The following SAMD4A variants were observed in gnomAD, a reference collection of about 807,000 sequenced individuals.
SAMD4A encodes protein Smaug homolog 1.
A neutral mutation model predicts 81.3 loss-of-function variants in SAMD4A; 33 were observed. The ratio of observed to expected loss-of-function variants is 0.41; its 90% confidence interval spans 0.31 to 0.54. The LOEUF is 0.54. Among genes scored for constraint, SAMD4A ranks in the 20% least tolerant of loss-of-function variants. The pLI, the probability that SAMD4A is intolerant of heterozygous loss-of-function variation, is 0.37. For synonymous variants in SAMD4A, 389 were observed against 382.1 expected (o/e 1.02, Z -0.21); for missense variants, 854 against 951.1 (o/e 0.90, Z 1.34).
chr14:54,594,579 G>A (rs950397318), intron 2 of SAMD4A, among the ~76,000 whole-genome samples: 1 of 152,216 alleles, frequency 6.6e-6, no homozygotes, highest in African/African-American at 2.4e-5. Flanking sequence ...GGAAATTGTA[G>A]TGGAAGGGAA....
chr14:54,573,699 G>A (rs1594679362), intron 2 of SAMD4A, among the ~76,000 whole-genome samples: 1 of 152,234 alleles, frequency 6.6e-6, no homozygotes, highest in East Asian at 1.9e-4. Flanking sequence ...AATTCACATA[G>A]ATTAAGATGC....
intron 2 of SAMD4A, among the ~76,000 whole-genome samples, chr14:54,626,731 G>A (rs924621414): frequency 1.3e-5 from 2 of 152,146 alleles, no homozygotes; most frequent in Non-Finnish European, 2.9e-5. Flanking sequence ...CAGGAGAACA[G>A]CAATTCTCTG....
rs1280827814 is a variant in SAMD4A at position 54,788,779 on chromosome 14, G to A, written c.2129-137G>A. 3.3e-5 allele frequency: 33 copies of A among 1,000,984 alleles called. No homozygotes were observed. In the Admixed American group the frequency reaches 5.4e-4, roughly 16 times the overall value. 62.0% of individuals were successfully genotyped at this position (1,000,984 alleles called of 1,614,324 possible). ...ATATCATGTGGGTGGGTATGTAAAT[G>A]CGTGAACACATGAACGTAGGTGCCC... On this transcript the variant is annotated intron_variant, in intron 12 of 12. Transcript: ENST00000554335.
Position 54,708,142 on chromosome 14 carries a change from C to A in SAMD4A, c.715+5562C>A, listed in dbSNP as rs536964723. On this transcript the variant is annotated intron_variant, in intron 3 of 12. Transcript: ENST00000554335. The stretch of plus-strand genomic sequence containing the variant: ...ATCAGGCAAGAGAAGATGGCTCAAA[C>A]CAGGATGGCTACAGTAGAAGGGTGA... Among the ~76,000 whole-genome samples, 20 of 152,262 alleles carry A rather than the reference C, an allele frequency of 1.3e-4. No homozygotes were observed. The South Asian group carries it at 4.2e-3, about 32-fold the overall frequency.
Position 54,757,428 on chromosome 14 carries a change from T to TGC in SAMD4A, c.1177-2733_1177-2732insGC, listed in dbSNP as rs1555351334. On this transcript the variant is annotated intron_variant, in intron 6 of 12. Transcript: ENST00000554335. ...GTGTGTGTGTGTGTGTGTGTGTGTG[T>TGC]TTTGTTTTGTTTTGTTTGGTGTGGT... 2.2e-5 allele frequency among the ~76,000 whole-genome samples: 3 copies of TGC among 133,822 alleles called. No homozygotes were observed. The Admixed American group carries it at 2.4e-4, about 11-fold the overall frequency. The allele number at this position is 133,822 out of a possible 152,430, so 87.8% of individuals were successfully genotyped here. A position where few individuals can be genotyped will look rare whatever the true frequency, so the allele number is the denominator to read the frequency against.
chr14:54,756,380 T>G (rs1402401758), intron 6 of SAMD4A, among the ~76,000 whole-genome samples: 1 of 152,198 alleles, frequency 6.6e-6, no homozygotes, highest in Non-Finnish European at 1.5e-5. Flanking sequence ...CGTCCTGTCA[T>G]CCTTTGTTCC....
At chr14:54,699,421 C>G (rs1192031690) in intron 2 of SAMD4A, among the ~76,000 whole-genome samples, 1 of 152,100 alleles carries the variant, frequency 6.6e-6, no homozygotes, top group Non-Finnish European at 1.5e-5. Context: ...GCCAGCCTTC[C>G]CCATCTGAAT....
chr14:54,638,187 C>G (rs911823172), intron 2 of SAMD4A, among the ~76,000 whole-genome samples: 1 of 152,204 alleles, frequency 6.6e-6, no homozygotes, highest in East Asian at 1.9e-4. Flanking sequence ...GCAAGTCACA[C>G]AGTAGATGCC....
At chr14:54,712,451 T>C (rs1443865306) in intron 3 of SAMD4A, among the ~76,000 whole-genome samples, 1 of 152,234 alleles carries the variant, frequency 6.6e-6, no homozygotes. Flanking sequence ...TTTAGCTTCC[T>C]TCCCCTTTGG....
intron 2 of SAMD4A, among the ~76,000 whole-genome samples, chr14:54,683,819 G>A (rs1455461199): frequency 6.6e-6 from 1 of 152,176 alleles, no homozygotes; most frequent in Non-Finnish European, 1.5e-5. Context: ...ATCCAGGTGG[G>A]CACAGTCTTA....
At chr14:54,765,831 A>G (rs1252512930) in intron 8 of SAMD4A, among the ~76,000 whole-genome samples, 2 of 151,228 alleles carry the variant, frequency 1.3e-5, no homozygotes, top group Non-Finnish European at 2.9e-5. Context: ...CTCACCCACT[A>G]CCCACACTTC....
rs2037796043 is a variant in SAMD4A, at chr14:54,739,615, A to G, written c.979+2328A>G. Among the ~76,000 whole-genome samples the G allele has an allele frequency of 2.0e-5, 3 of 152,198 alleles. No individual in the cohort carries two copies. The South Asian group carries it at 6.2e-4, about 31-fold the overall frequency. On this transcript the variant is annotated intron_variant, in intron 4 of 12. Coordinates refer to ENST00000554335, the MANE Select transcript of SAMD4A (RefSeq NM_015589.6). ...ATTTGCAGTTTAGCTGACAGGTCAG[A>G]CAGAAAAAATGTCCACACCCAAAAA...
chr14:54,615,165 C>T lies in SAMD4A; in HGVS notation c.196+47053C>T, dbSNP rs150369473. Among the ~76,000 whole-genome samples the T allele has an allele frequency of 7.7e-4, 118 of 152,280 alleles. 1 individual carries two copies. Among genetic ancestry groups the T allele is most frequent in the African/African-American group, 2.6e-3 (110 of 41,558 alleles). Reference sequence around the variant, plus strand: ...GGTCATCTGTCAATGAAGACTGACCCACCTGGAGAGGTGGGATGCAGCTTT... The same window carrying T: ...GGTCATCTGTCAATGAAGACTGACCTACCTGGAGAGGTGGGATGCAGCTTT... On this transcript the variant is annotated intron_variant, in intron 2 of 12. Transcript: ENST00000554335.
At chr14:54,644,287 A>G (rs1199597519) in intron 2 of SAMD4A, among the ~76,000 whole-genome samples, 1 of 152,178 alleles carries the variant, frequency 6.6e-6, no homozygotes, top group Non-Finnish European at 1.5e-5. Flanking sequence ...GGCACTTCTA[A>G]TCAAATTTGG....
intron 10 of SAMD4A, among the ~76,000 whole-genome samples, chr14:54,775,727 G>A (rs1267023384): frequency 2.0e-5 from 3 of 152,132 alleles, no homozygotes; most frequent in Non-Finnish European, 4.4e-5. Context: ...AGCTCTGTGG[G>A]TAGGGATTAG....
chr14:54,765,947 T>C (rs2038528738), intron 8 of SAMD4A, among the ~76,000 whole-genome samples: 2 of 152,156 alleles, frequency 1.3e-5, no homozygotes, highest in Non-Finnish European at 2.9e-5. Context: ...TATGGATTCT[T>C]ATGTGCCCAA....
chr14:54,701,996 T>C (rs1272041673), intron 2 of SAMD4A, 66 bp from the exon 3 acceptor site: 2 of 1,517,944 alleles, frequency 1.3e-6, no homozygotes, highest in Admixed American at 1.8e-5. Context: ...AAATTCTCTT[T>C]AGAGTATCTG....
chr14:54,695,527 G>A (rs117235626), intron 2 of SAMD4A, among the ~76,000 whole-genome samples: 2,700 of 152,272 alleles, frequency 0.018, 39 homozygotes, highest in South Asian at 0.061. Flanking sequence ...AGGTCAGAAC[G>A]CCTCCACTGC....
chr14:54,759,721 G>C (rs913449897), intron 6 of SAMD4A, among the ~76,000 whole-genome samples: 2 of 152,156 alleles, frequency 1.3e-5, no homozygotes, highest in Non-Finnish European at 2.9e-5. Context: ...CCTGTGCTGC[G>C]TGTGCCATGG....
Sources: allele counts gnomAD v4.1 joint callset (sites outside exome capture counted in the v4.1 genomes callset), GRCh38; gene constraint gnomAD v4.1.1; transcripts MANE v1.5; gene names NCBI Gene and HGNC (gene_info 2026-07-23, HGNC 2026-07-21).